NALF1: variants seen among roughly 807,000 people sequenced by gnomAD.
NALF1 encodes family with sequence similarity 155 member A.
Under a neutral mutation model 48.4 loss-of-function variants are expected in NALF1, and 3 were observed. That is an observed-to-expected ratio of 0.06 (90% CI 0.03 to 0.16). The LOEUF (loss-of-function observed/expected upper bound fraction) is 0.16, where lower values mean the gene tolerates loss of function less well. Ranked by LOEUF, NALF1 falls within the 10% of genes least tolerant of loss-of-function variation. NALF1 has a pLI of 1.00. For synonymous variants in NALF1, 262 were observed against 245.7 expected, an observed-to-expected ratio of 1.07 and a Z score of -0.62; for missense variants, 526 against 571.5, an observed-to-expected ratio of 0.92 and a Z score of 0.81.
intron 1 of NALF1, among the ~76,000 whole-genome samples, chr13:107,267,870 G>T (rs1474692580): frequency 1.3e-5 from 2 of 152,054 alleles, no homozygotes; most frequent in African/African-American, 4.8e-5. Context: ...TAGACAGCCC[G>T]GACAAAGGGA....
At chr13:107,496,212 T>C (rs1176355311) in intron 1 of NALF1, among the ~76,000 whole-genome samples, 1 of 152,176 alleles carries the variant, frequency 6.6e-6, no homozygotes, top group African/African-American at 2.4e-5. Flanking sequence ...TGAGATACCA[T>C]CCCATGTGTT....
chr13:107,334,732 T>C (rs1882525770), intron 1 of NALF1, among the ~76,000 whole-genome samples: 1 of 152,230 alleles, frequency 6.6e-6, no homozygotes, highest in African/African-American at 2.4e-5. Context: ...AAAAAACGTT[T>C]TAAATGCTGT....
At chr13:107,329,312 G>C (rs566684912) in intron 1 of NALF1, among the ~76,000 whole-genome samples, 1 of 152,064 alleles carries the variant, frequency 6.6e-6, no homozygotes, top group Non-Finnish European at 1.5e-5. Context: ...GAATTTTCTA[G>C]AAATTCATAT....
intron 1 of NALF1, among the ~76,000 whole-genome samples, chr13:107,330,902 T>C (rs947040207): frequency 6.6e-6 from 1 of 152,232 alleles, no homozygotes; most frequent in South Asian, 2.1e-4. Flanking sequence ...TCTTGTGCCA[T>C]AGCCTTTTTC....
At chr13:107,566,587 G>A (rs895380303) in intron 1 of NALF1, among the ~76,000 whole-genome samples, 5 of 152,170 alleles carry the variant, frequency 3.3e-5, no homozygotes, top group South Asian at 2.1e-4. Flanking sequence ...CCAACCTCAC[G>A]GAAAGGGGTT....
At chr13:107,521,978 C>A (rs1452468468) in intron 1 of NALF1, among the ~76,000 whole-genome samples, 2 of 151,924 alleles carry the variant, frequency 1.3e-5, no homozygotes, top group Non-Finnish European at 2.9e-5. Context: ...CACACTCACA[C>A]ACAGCGTATC....
At chr13:107,238,554 A>G (rs575060608) in intron 1 of NALF1, among the ~76,000 whole-genome samples, 11 of 152,176 alleles carry the variant, frequency 7.2e-5, no homozygotes, top group Non-Finnish European at 1.3e-4. Flanking sequence ...AATCTGTGGG[A>G]GCACATGCGG....
At chr13:107,351,008 A>C (rs539234792) in intron 1 of NALF1, among the ~76,000 whole-genome samples, 1 of 152,206 alleles carries the variant, frequency 6.6e-6, no homozygotes, top group Non-Finnish European at 1.5e-5. Context: ...TCCCATGCTA[A>C]AAGGAGACAT....
chr13:107,782,422 G>T (rs932536982), intron 1 of NALF1, among the ~76,000 whole-genome samples: 8 of 152,110 alleles, frequency 5.3e-5, no homozygotes, highest in Non-Finnish European at 8.8e-5. Context: ...CCTCCCAGCC[G>T]CCTGCCTTGG....
Position 107,866,607 on chromosome 13 carries a change from C to G in NALF1, c.-11G>C. On this transcript the variant is annotated 5_prime_UTR_variant, in exon 1 of 3. Transcript: ENST00000375915. This position sits in a 1 kb window ranked among gnomAD's most constrained non-coding sequence, Gnocchi z 4.4. ...AGCACCCCTGGTCATATTTTGGGAA[C>G]GCACAGCCCTGGCCGACTCCACCGT... 1 of 1,593,390 alleles carries G rather than the reference C, an allele frequency of 6.3e-7. No individual in the cohort carries two copies. Among genetic ancestry groups the G allele is most frequent in the South Asian group, 1.1e-5 (1 of 89,038 alleles).
At chr13:107,501,065 C>A (rs1308353222) in intron 1 of NALF1, among the ~76,000 whole-genome samples, 1 of 151,776 alleles carries the variant, frequency 6.6e-6, no homozygotes, top group Non-Finnish European at 1.5e-5. Flanking sequence ...AACTAACCTG[C>A]ACATTGTGCA....
At position 107,198,848 on chromosome 13, in the gene NALF1, C is replaced by T. The variant is rs375960638; in HGVS notation, c.1087+11736G>A. Among the ~76,000 whole-genome samples, 58 of 152,280 alleles carry T rather than the reference C, an allele frequency of 3.8e-4. 1 individual carries two copies. In the South Asian group the frequency reaches 0.012, roughly 30 times the overall value. On this transcript the variant is annotated intron_variant, in intron 2 of 2. Transcript: ENST00000375915. ...ATCATCTTCTTCCTACATCTATTCA[C>T]ATTGTTTTATCTCTATGTGTCTATA...
intron 1 of NALF1, among the ~76,000 whole-genome samples, chr13:107,389,006 C>A (rs17450199): frequency 6.6e-6 from 1 of 152,142 alleles, no homozygotes; most frequent in African/African-American, 2.4e-5. Context: ...GAATGCAATT[C>A]TCAGGCTTCA....
At position 107,327,335 on chromosome 13, in the gene NALF1, G is replaced by T. The variant is rs75597360; in HGVS notation, c.916-116580C>A. Among the ~76,000 whole-genome samples, 1,511 of 152,226 alleles carry T rather than the reference G, an allele frequency of 9.9e-3. 28 individuals carry two copies. The highest frequency in any genetic ancestry group is 0.034 in the African/African-American group (1,422 of 41,534). ...GGCCTGCTGACTTGTAAGAGGGAAG[G>T]TGTTGGGTGCTGCATTCTTCCACCT... is the stretch of plus-strand genomic sequence containing the variant. On this transcript the variant is annotated intron_variant, in intron 1 of 2. Transcript: ENST00000375915.
rs960973610 is a variant in NALF1, at chr13:107,163,770, CACA to C, written c.*6724_*6726del. On this transcript the variant is annotated 3_prime_UTR_variant, in exon 3 of 3. Transcript: ENST00000375915. Reference sequence around the variant, plus strand: ...AGTCCTTCCTACTTTTAATATGCCACACAACATCAACAAATCTAAGAAAAATAG... The same window carrying C: ...AGTCCTTCCTACTTTTAATATGCCACACATCAACAAATCTAAGAAAAATAG... 24 of 151,884 alleles carry C rather than the reference CACA, an allele frequency of 1.6e-4. No homozygotes were observed. Among genetic ancestry groups the C allele is most frequent in the Non-Finnish European group, 2.9e-4 (20 of 67,992 alleles). The allele number at this position is 151,884 out of a possible 1,614,324, so 9.4% of individuals were successfully genotyped here.
chr13:107,676,616 A>AT (rs1402818110), intron 1 of NALF1, among the ~76,000 whole-genome samples: 2 of 146,452 alleles, frequency 1.4e-5, no homozygotes, highest in African/African-American at 4.9e-5. Context: ...AATTAATTTA[A>AT]TTAATTAAAT....
intron 2 of NALF1, among the ~76,000 whole-genome samples, chr13:107,185,967 A>G (rs1879162046): frequency 6.6e-6 from 1 of 152,218 alleles, no homozygotes; most frequent in South Asian, 2.1e-4. Context: ...GCAAAATTCC[A>G]GAAATAAACA....
At chr13:107,314,733 A>T (rs1184910079) in intron 1 of NALF1, among the ~76,000 whole-genome samples, 1 of 152,280 alleles carries the variant, frequency 6.6e-6, no homozygotes, top group East Asian at 1.9e-4. Flanking sequence ...TATGTTCCCC[A>T]TTAGACTGTC....
At chr13:107,722,782 T>TCACAGATG (rs977001135) in intron 1 of NALF1, among the ~76,000 whole-genome samples, 4 of 152,126 alleles carry the variant, frequency 2.6e-5, no homozygotes, top group African/African-American at 9.7e-5. Context: ...GCCATAAGAA[T>TCACAGATG]CACAGATGCT....
Sources: gnomAD v4.1 joint callset for allele counts (sites outside exome capture counted in the v4.1 genomes callset) on GRCh38, gnomAD v4.1.1 for gene constraint, Gnocchi (gnomAD v3.1) non-coding constraint, MANE v1.5 for transcripts, NCBI Gene and HGNC (gene_info 2026-07-23, HGNC 2026-07-21) for gene names.